The following FGF1 variants were observed in gnomAD, a reference collection of about 807,000 sequenced individuals.
FGF1 encodes fibroblast growth factor 1.
In FGF1, 9 loss-of-function variants were observed where a neutral mutation model predicts 13.4. That is an observed-to-expected ratio of 0.67 (90% CI 0.40 to 1.17). FGF1 has a LOEUF of 1.17. Among genes scored for constraint, FGF1 ranks in the 50% most tolerant of loss-of-function variants. The pLI, the probability that FGF1 is intolerant of heterozygous loss-of-function variation, is 0.01. For missense variants in FGF1, 156 were observed against 192.7 expected, an observed-to-expected ratio of 0.81 and a Z score of 1.13; for synonymous variants, 93 against 79.0, an observed-to-expected ratio of 1.18 and a Z score of -0.94.
At chr5:142,603,985 A>G (rs1252957595) in intron 2 of FGF1, among the ~76,000 whole-genome samples, 1 of 152,266 alleles carries the variant, frequency 6.6e-6, no homozygotes, top group Non-Finnish European at 1.5e-5. Context: ...GTCTGGAAAC[A>G]GTGCTGAGTG....
At chr5:142,689,301 C>A (rs928068785), upstream of FGF1, among the ~76,000 whole-genome samples, 1 of 152,222 alleles carries the variant, frequency 6.6e-6, no homozygotes, top group East Asian at 1.9e-4. Context: ...CTCCCTCCAG[C>A]AACACATTTC....
At chr5:142,615,551 T>C (rs1273468170) in intron 1 of FGF1, among the ~76,000 whole-genome samples, 1 of 152,168 alleles carries the variant, frequency 6.6e-6, no homozygotes, top group African/African-American at 2.4e-5. Flanking sequence ...GTGTGAGTAG[T>C]GAATGTGATC....
At chr5:142,634,248 T>C (rs540435845) in intron 1 of FGF1, among the ~76,000 whole-genome samples, 33 of 151,880 alleles carry the variant, frequency 2.2e-4, no homozygotes, top group Non-Finnish European at 4.0e-4. Flanking sequence ...TAAAGTTTTA[T>C]GTGTGCTCCT....
chr5:142,629,244 C>A (rs970994928), intron 1 of FGF1, among the ~76,000 whole-genome samples: 3 of 152,224 alleles, frequency 2.0e-5, no homozygotes, highest in Non-Finnish European at 2.9e-5. Flanking sequence ...TAGCCTCAAA[C>A]TCCTGGGCTC....
At position 142,601,067 on chromosome 5, in the gene FGF1, A is replaced by G. The variant is rs756405309; in HGVS notation, c.170-262T>C. On this transcript the variant is annotated intron_variant, in intron 2 of 3. Coordinates refer to ENST00000337706, the MANE Select transcript of FGF1 (RefSeq NM_000800.5). ...CACCTACCTGTCCACCCTGTTGGTTACAAAATGACCCTGAGTGCACCTTCA... is the reference window on the plus strand; with the variant it reads ...CACCTACCTGTCCACCCTGTTGGTTGCAAAATGACCCTGAGTGCACCTTCA... 6 of 597,820 alleles carry G rather than the reference A, an allele frequency of 1.0e-5. No homozygotes were observed. The East Asian group carries it at 2.3e-4, about 22-fold the overall frequency. The allele number at this position is 597,820 out of a possible 1,614,324, so 37.0% of individuals were successfully genotyped here.
chr5:142,650,142 T>C (rs1561666699), intron 1 of FGF1, among the ~76,000 whole-genome samples: 1 of 152,174 alleles, frequency 6.6e-6, no homozygotes, highest in Non-Finnish European at 1.5e-5. Flanking sequence ...GATAGACAGA[T>C]GTTTCCTCTG....
At chr5:142,692,712 C>T (rs1374355956) in intron 2 of FGF1, among the ~76,000 whole-genome samples, 1 of 151,818 alleles carries the variant, frequency 6.6e-6, no homozygotes, top group Non-Finnish European at 1.5e-5. Context: ...CGCACAGACA[C>T]ACACACACAC....
At position 142,634,868 on chromosome 5, in the gene FGF1, TTTTTTC is replaced by T. The variant is rs562069521; in HGVS notation, c.-34-20713_-34-20708del. On this transcript the variant is annotated intron_variant, in intron 1 of 3. Coordinates refer to ENST00000337706, the MANE Select transcript of FGF1 (RefSeq NM_000800.5). ...AAATAGTTGCTTTGGTTATTGCTTT[TTTTTTC>T]TTTTTTTTTTTTCCACGACTCCTTG... Among the ~76,000 whole-genome samples the T allele has an allele frequency of 3.2e-4, 48 of 151,938 alleles. 1 individual carries two copies. Among genetic ancestry groups the T allele is most frequent in the African/African-American group, 1.2e-3 (48 of 41,374 alleles).
At chr5:142,658,169 C>T (rs1768514206) in intron 1 of FGF1, among the ~76,000 whole-genome samples, 1 of 152,240 alleles carries the variant, frequency 6.6e-6, no homozygotes, top group East Asian at 1.9e-4. Context: ...ATGCCCTAGT[C>T]ATATTCCCTT....
rs997547008 is a variant in FGF1 at position 142,614,084 on chromosome 5, T to G, written c.44A>C (p.Lys15Thr). Residue 15 changes from lysine to threonine, a missense_variant, in exon 2 of 4, where the codon AAG becomes ACG. Coordinates refer to ENST00000337706, the MANE Select transcript of FGF1 (RefSeq NM_000800.5). The part of the protein sequence containing the change: ...EITTFTALTE[K>T]FNLPPGNYKK... ...GTAATTCCCTGGAGGCAGATTAAAC[T>G]TCTCGGTCAGGGCTGTGAAGGTGGT... The G allele has an allele frequency of 3.1e-6, 5 of 1,614,116 alleles. No individual in the cohort carries two copies. The highest frequency in any genetic ancestry group is 1.7e-5 in the Admixed American group (1 of 60,014).
At chr5:142,653,608 C>A (rs1037632006) in intron 1 of FGF1, among the ~76,000 whole-genome samples, 3 of 152,196 alleles carry the variant, frequency 2.0e-5, no homozygotes, top group Admixed American at 2.0e-4. Context: ...CCCCCTACAG[C>A]GAATTAACCC....
chr5:142,653,280 G>A (rs545261432), intron 1 of FGF1, among the ~76,000 whole-genome samples: 1 of 152,304 alleles, frequency 6.6e-6, no homozygotes, highest in African/African-American at 2.4e-5. Context: ...AATTACAACA[G>A]TCACGGCAGC....
At chr5:142,607,589 A>G (rs1291894227) in intron 2 of FGF1, among the ~76,000 whole-genome samples, 1 of 152,242 alleles carries the variant, frequency 6.6e-6, no homozygotes, top group Non-Finnish European at 1.5e-5. Context: ...CAGATAAAGC[A>G]TTGTAAAAAT....
At chr5:142,635,189 C>T (rs1764042406) in intron 1 of FGF1, among the ~76,000 whole-genome samples, 2 of 152,178 alleles carry the variant, frequency 1.3e-5, no homozygotes, top group Non-Finnish European at 2.9e-5. Flanking sequence ...AGTCACTCCA[C>T]TCCCTTGTGC....
intron 2 of FGF1, among the ~76,000 whole-genome samples, chr5:142,610,713 C>T (rs987225412): frequency 5.3e-5 from 8 of 152,296 alleles, no homozygotes; most frequent in Middle Eastern, 3.4e-3. Context: ...CCTGCAGCAG[C>T]GATCTAAGGA....
chr5:142,627,911 C>T (rs1470276461), intron 1 of FGF1, among the ~76,000 whole-genome samples: 1 of 152,196 alleles, frequency 6.6e-6, no homozygotes, highest in Non-Finnish European at 1.5e-5. Context: ...AACCATTCTC[C>T]CATTTGCACT....
At chr5:142,666,924 C>CA (rs1770489177) in intron 1 of FGF1, among the ~76,000 whole-genome samples, 1 of 135,634 alleles carries the variant, frequency 7.4e-6, no homozygotes, top group Admixed American at 7.3e-5. Flanking sequence ...TCTCAAAAAA[C>CA]AAAAACAAAA....
intron 1 of FGF1, among the ~76,000 whole-genome samples, chr5:142,641,719 A>G (rs1765231742): frequency 6.6e-6 from 1 of 151,896 alleles, no homozygotes; most frequent in African/African-American, 2.4e-5. Flanking sequence ...TTTACAGATG[A>G]TAAAACTGAG....
At chr5:142,645,264 C>T (rs370678609) in intron 1 of FGF1, among the ~76,000 whole-genome samples, 2 of 152,332 alleles carry the variant, frequency 1.3e-5, no homozygotes, top group East Asian at 3.9e-4. Context: ...GCACTCACAG[C>T]CCTGGCAGAC....
Sources: gnomAD v4.1 joint callset for allele counts (sites outside exome capture counted in the v4.1 genomes callset) on GRCh38, gnomAD v4.1.1 for gene constraint, MANE v1.5 for transcripts, NCBI Gene and HGNC (gene_info 2026-07-23, HGNC 2026-07-21) for gene names.